MTMR6: variants seen among roughly 807,000 people sequenced by gnomAD.
MTMR6 encodes the protein phosphatidylinositol-3,5-bisphosphate 3-phosphatase MTMR6.
Under a neutral mutation model 80.1 loss-of-function variants are expected in MTMR6, and 47 were observed. The ratio of observed to expected loss-of-function variants is 0.59; its 90% CI spans 0.46 to 0.75. MTMR6 has a LOEUF of 0.75. MTMR6 is among the 30% of genes least tolerant of loss of function. The probability of loss-of-function intolerance (pLI) is 0.00; values close to 1 mark genes in which losing one functional copy is unlikely to be tolerated. For synonymous variants in MTMR6, 254 were observed against 253.0 expected (o/e 1.00, Z -0.04); for missense variants, 629 against 730.9 (o/e 0.86, Z 1.61).
At chr13:25,276,585 A>G (rs954256317) in intron 1 of MTMR6, among the ~76,000 whole-genome samples, 2 of 152,208 alleles carry the variant, frequency 1.3e-5, no homozygotes, top group African/African-American at 2.4e-5. Flanking sequence ...GCTTCTATAC[A>G]TGCAAAACAA....
At chr13:25,249,819 ATG>A (rs1159739372) in intron 13 of MTMR6, among the ~76,000 whole-genome samples, 1 of 152,158 alleles carries the variant, frequency 6.6e-6, no homozygotes, top group Non-Finnish European at 1.5e-5. Flanking sequence ...AATAAAAGAA[ATG>A]TGTATGAAAC....
At chr13:25,273,582 A>G (rs1031219394) in intron 2 of MTMR6, among the ~76,000 whole-genome samples, 4 of 149,890 alleles carry the variant, frequency 2.7e-5, no homozygotes, top group African/African-American at 7.4e-5. Flanking sequence ...CTGGAGTGCA[A>G]TGGCGCGATC....
intron 2 of MTMR6, 53 bp downstream of exon 2, chr13:25,274,018 C>T: frequency 1.7e-6 from 2 of 1,199,438 alleles, no homozygotes; most frequent in Non-Finnish European, 2.4e-6. Context: ...TAAAACATGA[C>T]AGACCAAGTC....
At position 25,265,858 on chromosome 13, in the gene MTMR6, T is replaced by C. The variant is rs1237437988; in HGVS notation, c.552A>G (p.Gly184=). ...GATAGTAGGAAAGAACTGGGAATCT[T>C]CCCTTGCTCCGGAACTTGGAACTAC... ...IVGSSKFRSK[G]RFPVLSYYHQ... The change falls in exon 5 of 14, where the codon GGA becomes GGG. Residue 184 remains glycine, a synonymous_variant. Coordinates refer to ENST00000381801, the MANE Select transcript of MTMR6 (RefSeq NM_004685.5). 1 of 1,613,972 alleles carries C rather than the reference T, an allele frequency of 6.2e-7. No individual in the cohort carries two copies. The highest frequency in any genetic ancestry group is 8.5e-7 in the Non-Finnish European group (1 of 1,179,956).
chr13:25,260,550 C>T, intron 6 of MTMR6: 1 of 1,180,380 alleles, frequency 8.5e-7, no homozygotes, highest in South Asian at 1.4e-5. Context: ...TGCCTAAAAA[C>T]CACTTGCGTT....
chr13:25,281,827 CA>C (rs1310061535), intron 1 of MTMR6, among the ~76,000 whole-genome samples: 4 of 152,182 alleles, frequency 2.6e-5, no homozygotes, highest in Non-Finnish European at 4.4e-5. Flanking sequence ...TCATGTATCC[CA>C]ATTTCTAGAA....
At chr13:25,275,097 AC>A (rs1683333699) in intron 1 of MTMR6, among the ~76,000 whole-genome samples, 1 of 151,914 alleles carries the variant, frequency 6.6e-6, no homozygotes, top group Non-Finnish European at 1.5e-5. Flanking sequence ...ATTCATCCTT[AC>A]GAAAAAAAGT....
chr13:25,254,241 AT>A lies in MTMR6; in HGVS notation c.1145+143del. On this transcript the variant is annotated intron_variant, in intron 10 of 13. Transcript: ENST00000381801. ...GAAAGAAATTACAGAAAAAAATTAA[AT>A]GTCTTTACGTAAAATACAGTAAAAA... 4.2e-6 allele frequency: 3 copies of A among 712,756 alleles called. No homozygotes were observed. The East Asian group carries it at 8.2e-5, about 19-fold the overall frequency. 44.2% of individuals were successfully genotyped at this position (712,756 alleles called of 1,614,324 possible).
intron 1 of MTMR6, among the ~76,000 whole-genome samples, chr13:25,282,263 T>C (rs1957867147): frequency 6.6e-6 from 1 of 152,182 alleles, no homozygotes; most frequent in Non-Finnish European, 1.5e-5. Flanking sequence ...ACTCAATTTA[T>C]AGCAGTCCTC....
Position 25,278,924 on chromosome 13 carries a change from C to T in MTMR6, c.25-4737G>A, listed in dbSNP as rs1186915826. Reference sequence around the variant, plus strand: ...CAGATGCACAACTCCATTACATGCACGCACACACTCAAACACACATACATC... The same window carrying T: ...CAGATGCACAACTCCATTACATGCATGCACACACTCAAACACACATACATC... On this transcript the variant is annotated intron_variant, in intron 1 of 13. Coordinates refer to ENST00000381801, the MANE Select transcript of MTMR6 (RefSeq NM_004685.5). Among the ~76,000 whole-genome samples, 5 of 151,936 alleles carry T rather than the reference C, an allele frequency of 3.3e-5. No homozygotes were observed. The South Asian group carries it at 6.2e-4, about 19-fold the overall frequency.
At chr13:25,284,426 C>G (rs1012131706) in intron 1 of MTMR6, among the ~76,000 whole-genome samples, 9 of 152,086 alleles carry the variant, frequency 5.9e-5, no homozygotes, top group Non-Finnish European at 1.3e-4. Flanking sequence ...TATAAATTAA[C>G]AGATTTATAC....
At position 25,251,784 on chromosome 13, in the gene MTMR6, C is replaced by T; in HGVS notation, c.1479-9G>A. 1 of 1,599,190 alleles carries T rather than the reference C, an allele frequency of 6.3e-7. No individual in the cohort carries two copies. Among genetic ancestry groups the T allele is most frequent in the South Asian group, 1.1e-5 (1 of 88,640 alleles). ...ACATGTTCCTCCAAAACCTTTATGA[C>T]AAAAAAAAGTTTCAATAAATTGTGT... On this transcript the variant is annotated splice_polypyrimidine_tract_variant and intron_variant, in intron 12 of 13. Transcript: ENST00000381801. This position sits in a 1 kb window ranked among gnomAD's most constrained non-coding sequence, Gnocchi z 4.1.
chr13:25,253,280 G>C (rs1957127447), intron 11 of MTMR6, among the ~76,000 whole-genome samples: 1 of 152,186 alleles, frequency 6.6e-6, no homozygotes, highest in African/African-American at 2.4e-5. Context: ...TGTGGGGAGA[G>C]CTATAAGGCT....
Position 25,257,749 on chromosome 13 carries a change from A to G in MTMR6, c.956T>C (p.Ile319Thr). The G allele has an allele frequency of 6.2e-7, 1 of 1,611,542 alleles. No individual in the cohort carries two copies. Among genetic ancestry groups the G allele is most frequent in the Non-Finnish European group, 8.5e-7 (1 of 1,177,956 alleles). ...RHIKAVMDAA[I>T]FLAKAITVEN... ...ATAAAGTATTACTTTGGCCAAGAAG[A>G]TTGCAGCATCCATAACAGCTTTGAT... is the stretch of plus-strand genomic sequence containing the variant. The change falls in exon 8 of 14, where the codon ATC becomes ACC. Residue 319 changes from isoleucine to threonine, a missense_variant. By Grantham distance (89) the Ile-to-Thr change is moderately conservative (BLOSUM62 -1). Transcript: ENST00000381801.
At chr13:25,275,599 C>T (rs1446883055) in intron 1 of MTMR6, among the ~76,000 whole-genome samples, 3 of 151,906 alleles carry the variant, frequency 2.0e-5, no homozygotes, top group Non-Finnish European at 4.4e-5. Flanking sequence ...TGGTGGCTCA[C>T]GCCTGTAATC....
rs62619824 is a variant in MTMR6, at chr13:25,249,303, C to A, written c.1795G>T (p.Ala599Ser). ...GGTTCTGATTTAGAAAACTCTTCTG[C>A]ATATTCACTATAACGATTATCTGCC... ...SPADNRYSEY[A>S]EEFSKSEPAV... The change falls in exon 14 of 14, where the codon GCA (alanine) becomes TCA (serine). Residue 599 changes from alanine (A) to serine (S), a missense_variant. By Grantham distance (99) the Ala-to-Ser change is moderately conservative. Coordinates refer to ENST00000381801, the MANE Select transcript of MTMR6 (RefSeq NM_004685.5). The A allele has an allele frequency of 3.7e-6, 6 of 1,613,898 alleles. No homozygotes were observed. Among genetic ancestry groups the A allele is most frequent in the Non-Finnish European group, 5.1e-6 (6 of 1,179,934 alleles).
chr13:25,249,183 A>G lies in MTMR6; in HGVS notation c.*49T>C, dbSNP rs772030036. 1.8e-5 allele frequency: 28 copies of G among 1,588,914 alleles called. No homozygotes were observed. In the Admixed American group the frequency reaches 4.7e-4, roughly 26 times the overall value. On this transcript the variant is annotated 3_prime_UTR_variant, in exon 14 of 14. Coordinates refer to ENST00000381801, the MANE Select transcript of MTMR6 (RefSeq NM_004685.5). ...GGTTATGCTTACAGACCATCCTCAC[A>G]ATAATCCTTTTCTTGTACTGCAATC...
intron 1 of MTMR6, among the ~76,000 whole-genome samples, chr13:25,285,622 C>T (rs1402973671): frequency 2.0e-5 from 3 of 152,002 alleles, no homozygotes; most frequent in Non-Finnish European, 4.4e-5. Flanking sequence ...GCAATCTCCA[C>T]TTCCCCGGTT....
In MTMR6 at chr13:25,248,279, C is replaced by T. The variant is rs557956035; in HGVS notation, c.*953G>A. Reference sequence around the variant, plus strand: ...AACAGCAACTCATTGAGCAATAAGGCAGTTTAAAAATATACATATACATGT... The same window carrying T: ...AACAGCAACTCATTGAGCAATAAGGTAGTTTAAAAATATACATATACATGT... On this transcript the variant is annotated 3_prime_UTR_variant, in exon 14 of 14. Transcript: ENST00000381801. The T allele has an allele frequency of 3.3e-5, 5 of 152,122 alleles. No homozygotes were observed. In the East Asian group the frequency reaches 9.7e-4, roughly 29 times the overall value. The allele number at this position is 152,122 out of a possible 1,614,324, so 9.4% of individuals were successfully genotyped here.
Sources: gnomAD v4.1 joint callset for allele counts (sites outside exome capture counted in the v4.1 genomes callset) on GRCh38, gnomAD v4.1.1 for gene constraint, Gnocchi (gnomAD v3.1) non-coding constraint, MANE v1.5 for transcripts, NCBI Gene and HGNC (gene_info 2026-07-23, HGNC 2026-07-21) for gene names.